Variants in GRAMD1A observed in about 807,000 individuals in gnomAD.
GRAMD1A encodes the protein GRAM domain containing 1A, also known as protein Aster-A.
GRAMD1A carries 50 observed loss-of-function variants against 92.0 expected under a neutral mutation model. The ratio of observed to expected loss-of-function variants is 0.54; its 90% CI spans 0.43 to 0.69. The LOEUF is 0.69. Ranked by LOEUF, GRAMD1A falls within the 30% of genes least tolerant of loss-of-function variation. The pLI, the probability that GRAMD1A is intolerant of heterozygous loss-of-function variation, is 0.00. For synonymous variants in GRAMD1A, 405 were observed against 403.6 expected, an observed-to-expected ratio of 1.00 and a Z score of -0.04; for missense variants, 819 against 978.9, an observed-to-expected ratio of 0.84 and a Z score of 2.18.
chr19:35,005,851 C>T (rs1460140768), intron 1 of GRAMD1A: 1 of 456,042 alleles, frequency 2.2e-6, no homozygotes, highest in African/African-American at 2.0e-5. Context: ...GAGCCAAAGT[C>T]CTGAAGGACA....
chr19:35,023,167 A>G, intron 17 of GRAMD1A, 69 bp from the exon 18 acceptor site: 1 of 1,082,262 alleles, frequency 9.2e-7, no homozygotes, highest in Non-Finnish European at 1.4e-6. Context: ...TCCCTACAAG[A>G]TGTAGTTGTT....
chr19:35,018,771 T>C (rs1410085694), intron 11 of GRAMD1A, among the ~76,000 whole-genome samples: 2 of 152,044 alleles, frequency 1.3e-5, no homozygotes, highest in Non-Finnish European at 2.9e-5. Context: ...GGGGTTTGAG[T>C]AGGGGGTGTC....
At chr19:35,019,370 T>G (rs2015876986) in intron 12 of GRAMD1A, 21 bp from the exon 13 acceptor site, 1 of 1,613,544 alleles carries the variant, frequency 6.2e-7, no homozygotes, top group Non-Finnish European at 8.5e-7. Context: ...GGCCCTGACT[T>G]CTCCGGCTCT....
intron 11 of GRAMD1A, among the ~76,000 whole-genome samples, chr19:35,018,251 T>C (rs1409814029): frequency 2.6e-5 from 4 of 152,086 alleles, no homozygotes; most frequent in African/African-American, 9.7e-5. Flanking sequence ...GCCTCCCAAA[T>C]TTCCCGAAGT....
chr19:35,019,297 G>C lies in GRAMD1A; in HGVS notation c.1320G>C (p.Val440=). Reference sequence around the variant, plus strand: ...CACTGGGCCCCAAGAGCGCCTCCGTGGTGGAGACACAGGTGGGCCAGGTGG... The same window carrying C: ...CACTGGGCCCCAAGAGCGCCTCCGTCGTGGAGACACAGGTGGGCCAGGTGG... The part of the protein sequence containing the change: ...SNPLGPKSAS[V]VETQTLFRRG... Residue 440 remains valine (V), a synonymous_variant, in exon 12 of 20, where the codon GTG becomes GTC. Transcript: ENST00000317991. 3.1e-6 allele frequency: 5 copies of C among 1,613,136 alleles called. No homozygotes were observed. The highest frequency in any genetic ancestry group is 4.2e-6 in the Non-Finnish European group (5 of 1,179,390).
chr19:35,019,529 C>T lies in GRAMD1A; in HGVS notation c.1471C>T (p.Leu491Phe). Residue 491 changes from leucine (L) to phenylalanine (F), a missense_variant, in exon 13 of 20, where the codon CTC becomes TTC. Leu to Phe is a conservative substitution (Grantham distance 22, BLOSUM62 0). Coordinates refer to ENST00000317991, the MANE Select transcript of GRAMD1A (RefSeq NM_020895.5). ...GGGTCTGGCCCGGAACAAGGCGCGG[C>T]TCCGGTGAGTGGTGGCTGGGCCCCT... ...ILGLARNKAR[L>F]RVSSEIRYRK... The T allele has an allele frequency of 1.2e-6, 2 of 1,613,850 alleles. No homozygotes were observed. The highest frequency in any genetic ancestry group is 1.7e-6 in the Non-Finnish European group (2 of 1,179,888).
At chr19:35,011,378 ATG>A (rs1232173934) in intron 6 of GRAMD1A, 94 bp from the exon 7 acceptor site, 1 of 876,710 alleles carries the variant, frequency 1.1e-6, no homozygotes, top group East Asian at 2.4e-5. Flanking sequence ...GGGGCCAAAG[ATG>A]TGGCGTCAGC....
upstream of GRAMD1A, among the ~76,000 whole-genome samples, chr19:34,995,575 T>TC (rs1218177310): frequency 3.0e-4 from 39 of 129,254 alleles, no homozygotes; most frequent in South Asian, 1.1e-3. Context: ...TCACGGGTTT[T>TC]TTTTTTTTTT....
At chr19:34,995,581 T>TTTTTTTTG, upstream of GRAMD1A, among the ~76,000 whole-genome samples, 1 of 142,538 alleles carries the variant, frequency 7.0e-6, no homozygotes, top group African/African-American at 2.7e-5. Flanking sequence ...GTTTTTTTTT[T>TTTTTTTTG]TTTTTTTTTT....
At chr19:35,023,007 G>A (rs1402883618) in intron 17 of GRAMD1A, 96 bp downstream of exon 17, 3 of 1,067,730 alleles carry the variant, frequency 2.8e-6, no homozygotes, top group African/African-American at 3.1e-5. Flanking sequence ...CTCCCCCAGG[G>A]AGGTGGCCTG....
In GRAMD1A at chr19:35,012,772, C is replaced by T. The variant is rs190818634; in HGVS notation, c.607-484C>T. On this transcript the variant is annotated intron_variant, in intron 7 of 19. Transcript: ENST00000317991. ...CGTGGTGCCCACGAGGTCAGGAGTT[C>T]GAGACCAGCCTGGCCAACATGGTGA... Among the ~76,000 whole-genome samples the T allele has an allele frequency of 2.2e-3, 328 of 152,312 alleles. 1 individual carries two copies. Among genetic ancestry groups the T allele is most frequent in the Admixed American group, 5.1e-3 (78 of 15,302 alleles).
rs536666787 is a variant in GRAMD1A, at chr19:35,026,190, G to C, written c.*49G>C. 1.2e-5 allele frequency: 12 copies of C among 977,842 alleles called. No individual in the cohort carries two copies. Among genetic ancestry groups the C allele is most frequent in the African/African-American group, 9.5e-5 (6 of 63,058 alleles). The allele number at this position is 977,842 out of a possible 1,614,324, so 60.6% of individuals were successfully genotyped here. On this transcript the variant is annotated 3_prime_UTR_variant, in exon 20 of 20. Transcript: ENST00000317991. The stretch of plus-strand genomic sequence containing the variant: ...CCCCACATGGACAGATGGACACACA[G>C]AGCCTCGGCGGCCACTGCTGGCACG...
chr19:35,023,227 T>C lies in GRAMD1A; in HGVS notation c.1854-9T>C. 1 of 1,608,620 alleles carries C rather than the reference T, an allele frequency of 6.2e-7. No individual in the cohort carries two copies. The highest frequency in any genetic ancestry group is 8.5e-7 in the Non-Finnish European group (1 of 1,175,002). ...CCCAGGAATCCTGACCTCTGACCCCTGTCCCCAGCCTTATCATCCTCATCG... is the reference window on the plus strand; with the variant it reads ...CCCAGGAATCCTGACCTCTGACCCCCGTCCCCAGCCTTATCATCCTCATCG... On this transcript the variant is annotated splice_polypyrimidine_tract_variant and intron_variant, in intron 17 of 19. Transcript: ENST00000317991.
chr19:35,004,275 A>G (rs2014636316), intron 1 of GRAMD1A, among the ~76,000 whole-genome samples: 1 of 151,752 alleles, frequency 6.6e-6, no homozygotes. Flanking sequence ...ACAGAGTGTG[A>G]CCGTGTCTCT....
intron 19 of GRAMD1A, among the ~76,000 whole-genome samples, chr19:35,024,507 C>G (rs888293260): frequency 1.3e-5 from 2 of 151,708 alleles, no homozygotes; most frequent in Admixed American, 1.3e-4. Flanking sequence ...GTGTTAGGCA[C>G]TCGGGGAAGG....
chr19:34,997,440 A>C (rs1222390824), upstream of GRAMD1A, among the ~76,000 whole-genome samples: 4 of 151,894 alleles, frequency 2.6e-5, no homozygotes, highest in African/African-American at 4.8e-5. Context: ...AAGAAAGTTT[A>C]AACAAAACTT....
upstream of GRAMD1A, chr19:35,000,084 A>G (rs561463021): frequency 1.8e-3 from 1,774 of 988,000 alleles, 1 homozygote; most frequent in Middle Eastern, 2.1e-3. This position sits in a 1 kb window ranked among gnomAD's most constrained non-coding sequence, Gnocchi z 4.9. Flanking sequence ...ACCTGCGGGC[A>G]GGCAGCTGCC....
intron 3 of GRAMD1A, 64 bp downstream of exon 3, chr19:35,009,507 C>T (rs1600291894): frequency 1.3e-6 from 2 of 1,537,352 alleles, no homozygotes; most frequent in East Asian, 2.2e-5. Context: ...CCAGGAGCCC[C>T]AGGCTGCAAC....
rs1357959030 is a variant in GRAMD1A at position 35,000,878 on chromosome 19, G to C, written c.8+392G>C. ...TCCGGCCTGGGATGGAGACAGGATC[G>C]GGACCAGCCCAGGCCCACAGGCCGC... On this transcript the variant is annotated intron_variant, in intron 1 of 19. Transcript: ENST00000317991. The surrounding 1 kb of genome is among the most constrained non-coding windows in gnomAD (Gnocchi z 4.9). Among the ~76,000 whole-genome samples, 1 of 152,010 alleles carries C rather than the reference G, an allele frequency of 6.6e-6. No individual in the cohort carries two copies. The highest frequency in any genetic ancestry group is 1.5e-5 in the Non-Finnish European group (1 of 67,956).
Sources: gnomAD v4.1 joint callset for allele counts (sites outside exome capture counted in the v4.1 genomes callset) on GRCh38, gnomAD v4.1.1 for gene constraint, Gnocchi (gnomAD v3.1) non-coding constraint, MANE v1.5 for transcripts, NCBI Gene and HGNC (gene_info 2026-07-23, HGNC 2026-07-21) for gene names.